ASIC2: variants seen among roughly 807,000 people sequenced by gnomAD.
ASIC2 encodes acid-sensing ion channel 2.
A neutral mutation model predicts 57.3 loss-of-function variants in ASIC2; 25 were observed. The ratio of observed to expected loss-of-function variants is 0.44; its 90% CI spans 0.32 to 0.61. ASIC2 has a LOEUF of 0.61. Among genes scored for constraint, ASIC2 ranks in the 20% least tolerant of loss-of-function variants. The probability of loss-of-function intolerance (pLI) is 0.06; values close to 1 mark genes in which losing one functional copy is unlikely to be tolerated. For missense variants in ASIC2, 641 were observed against 738.1 expected (o/e 0.87, Z 1.52); for synonymous variants, 319 against 307.5 (o/e 1.04, Z -0.39).
rs1238109526 is a variant in ASIC2, at chr17:34,116,710, ATTG to A, written c.555+39265_555+39267del. ...AAAAGATGCCACCCACAAGCTTGTG[ATTG>A]TTGTTAGTATGTCTTACCTAAAGGG... On this transcript the variant is annotated intron_variant, in intron 1 of 9. Transcript: ENST00000359872. Among the ~76,000 whole-genome samples, 3 of 151,986 alleles carry A rather than the reference ATTG, an allele frequency of 2.0e-5. No homozygotes were observed. In the East Asian group the frequency reaches 5.8e-4, roughly 29 times the overall value.
At chr17:33,524,454 C>A (rs547389727) in intron 1 of ASIC2, among the ~76,000 whole-genome samples, 1 of 152,250 alleles carries the variant, frequency 6.6e-6, no homozygotes, top group Middle Eastern at 3.4e-3. Context: ...TCTCCCCATA[C>A]AGGTATGATG....
intron 1 of ASIC2, among the ~76,000 whole-genome samples, chr17:34,031,618 A>C (rs1907615993): frequency 6.6e-6 from 1 of 152,198 alleles, no homozygotes; most frequent in Non-Finnish European, 1.5e-5. Context: ...CTTTGAAAAA[A>C]AATTAGACAA....
chr17:33,856,925 G>T (rs924424508), intron 1 of ASIC2, among the ~76,000 whole-genome samples: 6 of 152,106 alleles, frequency 3.9e-5, no homozygotes, highest in Non-Finnish European at 5.9e-5. Context: ...ACTGAGGAGT[G>T]TGGGCTTGTC....
chr17:33,731,164 T>G (rs991150415), intron 1 of ASIC2, among the ~76,000 whole-genome samples: 3 of 152,214 alleles, frequency 2.0e-5, no homozygotes, highest in African/African-American at 7.2e-5. Flanking sequence ...CAAGGGACCA[T>G]CTTTGATGCT....
In ASIC2 at chr17:33,766,147, T is replaced by TGA. The variant is rs945357838; in HGVS notation, c.555+389829_555+389830dup. 1.2e-4 allele frequency among the ~76,000 whole-genome samples: 19 copies of TGA among 152,162 alleles called. No individual in the cohort carries two copies. The East Asian group carries it at 1.4e-3, about 11-fold the overall frequency. On this transcript the variant is annotated intron_variant, in intron 1 of 9. Transcript: ENST00000359872. ...GTGAGTATGGTACAATGAGATATTT[T>TGA]GAGAGAGAGAGAGGCCACATTTACA...
chr17:33,612,411 G>A (rs918030131), intron 1 of ASIC2, among the ~76,000 whole-genome samples: 20 of 152,124 alleles, frequency 1.3e-4, no homozygotes, highest in African/African-American at 4.3e-4. Context: ...GCAAAAGGGC[G>A]TTTTGGGGAT....
At chr17:33,528,467 G>A (rs1268382634) in intron 1 of ASIC2, among the ~76,000 whole-genome samples, 1 of 151,958 alleles carries the variant, frequency 6.6e-6, no homozygotes, top group African/African-American at 2.4e-5. Flanking sequence ...AAAAATTTTC[G>A]ACATAATTTC....
chr17:33,541,473 A>C (rs80355852), intron 1 of ASIC2: 9,067 of 152,222 alleles, frequency 0.06, 529 homozygotes, highest in East Asian at 0.29. Context: ...GGAGCCAACA[A>C]ACATCTAACT....
chr17:33,903,570 A>G (rs1343758867), intron 1 of ASIC2, among the ~76,000 whole-genome samples: 1 of 152,238 alleles, frequency 6.6e-6, no homozygotes, highest in African/African-American at 2.4e-5. Context: ...TTTAGCCCAG[A>G]ATCTCCCAGT....
At chr17:33,068,143 TG>T (rs997577445) in intron 3 of ASIC2, among the ~76,000 whole-genome samples, 20 of 151,992 alleles carry the variant, frequency 1.3e-4, no homozygotes, top group African/African-American at 3.9e-4. Context: ...TGACTGGACC[TG>T]GGGGGGTGGA....
chr17:34,071,034 G>C (rs1023550847), intron 1 of ASIC2: 3 of 152,158 alleles, frequency 2.0e-5, no homozygotes, highest in Non-Finnish European at 4.4e-5. Context: ...CTGAAGCTGT[G>C]GGAAGATATG....
chr17:33,802,497 C>G (rs1283383213), intron 1 of ASIC2, among the ~76,000 whole-genome samples: 1 of 152,222 alleles, frequency 6.6e-6, no homozygotes, highest in East Asian at 1.9e-4. Flanking sequence ...GAATTGCCTG[C>G]CACTCCCTGC....
chr17:33,657,543 G>A (rs1192972045), intron 1 of ASIC2, among the ~76,000 whole-genome samples: 2 of 152,060 alleles, frequency 1.3e-5, no homozygotes, highest in Admixed American at 6.6e-5. Flanking sequence ...GTTCTGTATC[G>A]TGATGGGAAT....
At chr17:33,508,376 A>G (rs1406374460) in intron 1 of ASIC2, among the ~76,000 whole-genome samples, 13 of 152,090 alleles carry the variant, frequency 8.5e-5, no homozygotes, top group Admixed American at 8.5e-4. Context: ...AGGAATCACA[A>G]CCTGTCTGCC....
At chr17:34,151,530 A>G (rs959449847) in intron 1 of ASIC2, among the ~76,000 whole-genome samples, 4 of 152,158 alleles carry the variant, frequency 2.6e-5, no homozygotes, top group African/African-American at 9.7e-5. Context: ...TGAGCTTCCT[A>G]GAGTTGAGTT....
chr17:33,396,551 C>T (rs1445739674), intron 1 of ASIC2, among the ~76,000 whole-genome samples: 1 of 152,134 alleles, frequency 6.6e-6, no homozygotes, highest in Non-Finnish European at 1.5e-5. Flanking sequence ...TGGGCTGGGA[C>T]CTAGGTCTTT....
At chr17:34,065,850 C>G (rs1359646329) in intron 1 of ASIC2, among the ~76,000 whole-genome samples, 1 of 152,138 alleles carries the variant, frequency 6.6e-6, no homozygotes, top group East Asian at 1.9e-4. Flanking sequence ...TCTGAAAGGC[C>G]TTTCTCCCAA....
intron 1 of ASIC2, among the ~76,000 whole-genome samples, chr17:33,648,421 T>A (rs921772717): frequency 2.0e-5 from 3 of 152,254 alleles, no homozygotes; most frequent in African/African-American, 7.2e-5. Context: ...TTCACTGCAG[T>A]ATCCCCACTG....
At chr17:33,527,724 G>A (rs1048108243) in intron 1 of ASIC2, among the ~76,000 whole-genome samples, 13 of 152,104 alleles carry the variant, frequency 8.5e-5, no homozygotes, top group Admixed American at 2.6e-4. Context: ...TTAGGGACAT[G>A]TGCCTAAAAT....
Sources: gnomAD v4.1 joint callset for allele counts (sites outside exome capture counted in the v4.1 genomes callset) on GRCh38, gnomAD v4.1.1 for gene constraint, MANE v1.5 for transcripts, NCBI Gene and HGNC (gene_info 2026-07-23, HGNC 2026-07-21) for gene names.